The following MAGI2 variants were observed in gnomAD, a reference collection of about 807,000 sequenced individuals.
MAGI2 encodes membrane-associated guanylate kinase, WW and PDZ domain-containing protein 2.
MAGI2 carries 35 observed loss-of-function variants against 133.3 expected under a neutral mutation model. The observed-to-expected ratio is 0.26, with a 90% CI of 0.20 to 0.35. MAGI2 has a LOEUF of 0.35. MAGI2 is among the 10% of genes least tolerant of loss of function. The pLI, the probability that MAGI2 is intolerant of heterozygous loss-of-function variation, is 1.00. For synonymous variants in MAGI2, 729 were observed against 710.6 expected, an observed-to-expected ratio of 1.03 and a Z score of -0.41; for missense variants, 1,636 against 1,863.4, an observed-to-expected ratio of 0.88 and a Z score of 2.25.
At chr7:78,509,900 T>C (rs1330784949) in intron 4 of MAGI2, among the ~76,000 whole-genome samples, 4 of 152,220 alleles carry the variant, frequency 2.6e-5, no homozygotes, top group Non-Finnish European at 4.4e-5. Context: ...TTAAGGTAGA[T>C]AGAAAAATTT....
chr7:78,450,791 A>G (rs1321085757), intron 6 of MAGI2, among the ~76,000 whole-genome samples: 2 of 151,894 alleles, frequency 1.3e-5, no homozygotes, highest in Non-Finnish European at 2.9e-5. Context: ...GGTCATCCCA[A>G]CTCTTCATCT....
chr7:78,576,508 A>G (rs1802281489), intron 3 of MAGI2, among the ~76,000 whole-genome samples: 1 of 151,582 alleles, frequency 6.6e-6, no homozygotes, highest in African/African-American at 2.4e-5. Context: ...CATATAAACC[A>G]GAACTCCCCT....
intron 1 of MAGI2, among the ~76,000 whole-genome samples, chr7:79,312,877 C>T (rs1477513745): frequency 2.0e-5 from 3 of 152,114 alleles, no homozygotes; most frequent in South Asian, 2.1e-4. Flanking sequence ...GCAGTTGCAC[C>T]GTACAGGCAC....
At chr7:78,346,095 A>G (rs1232938557) in intron 7 of MAGI2, 52 bp from the exon 8 acceptor site, 22 of 1,605,506 alleles carry the variant, frequency 1.4e-5, no homozygotes, top group Non-Finnish European at 1.9e-5. Context: ...GTTATTTAAA[A>G]GACCATATGT....
At chr7:78,437,374 A>T (rs990954321) in intron 6 of MAGI2, among the ~76,000 whole-genome samples, 9 of 152,196 alleles carry the variant, frequency 5.9e-5, no homozygotes, top group Non-Finnish European at 1.2e-4. Context: ...TCATGCAAAA[A>T]GAATTTGTAC....
chr7:79,292,966 G>C (rs1836626071), intron 1 of MAGI2, among the ~76,000 whole-genome samples: 1 of 151,938 alleles, frequency 6.6e-6, no homozygotes, highest in African/African-American at 2.4e-5. Context: ...TAAACAATTA[G>C]ATTCATTTCC....
At chr7:78,680,581 C>T (rs1815538735) in intron 2 of MAGI2, among the ~76,000 whole-genome samples, 1 of 152,164 alleles carries the variant, frequency 6.6e-6, no homozygotes, top group Non-Finnish European at 1.5e-5. Flanking sequence ...CCACTTCCTG[C>T]TTCTAGACAG....
intron 2 of MAGI2, among the ~76,000 whole-genome samples, chr7:78,820,957 C>T (rs184121537): frequency 7.2e-4 from 110 of 152,000 alleles, no homozygotes; most frequent in Middle Eastern, 6.8e-3. Flanking sequence ...TACAACATGT[C>T]ATTTATTTCA....
At chr7:78,514,687 G>A (rs572376748) in intron 4 of MAGI2, among the ~76,000 whole-genome samples, 10 of 152,308 alleles carry the variant, frequency 6.6e-5, no homozygotes, top group African/African-American at 1.4e-4. Context: ...GGAAAACAGC[G>A]AGATTCACTA....
chr7:78,266,388 G>T (rs1250043484), intron 9 of MAGI2, among the ~76,000 whole-genome samples: 1 of 151,902 alleles, frequency 6.6e-6, no homozygotes, highest in African/African-American at 2.4e-5. Context: ...TTTTGGTAGA[G>T]ATGGGAGTTT....
intron 2 of MAGI2, among the ~76,000 whole-genome samples, chr7:78,754,174 C>G (rs147150179): frequency 0.041 from 6,282 of 151,828 alleles, 421 homozygotes; most frequent in African/African-American, 0.14. Context: ...CCCAGGAGTT[C>G]GGGACCAGCC....
chr7:78,101,135 A>T (rs1021525616), intron 20 of MAGI2, among the ~76,000 whole-genome samples: 2 of 152,222 alleles, frequency 1.3e-5, no homozygotes, highest in African/African-American at 4.8e-5. Context: ...TGCCCAAATG[A>T]TCAACAGATT....
chr7:79,418,213 A>G (rs1846679540), intron 1 of MAGI2, among the ~76,000 whole-genome samples: 1 of 152,116 alleles, frequency 6.6e-6, no homozygotes, highest in Non-Finnish European at 1.5e-5. Flanking sequence ...TAAAGTTTGT[A>G]AAGCCTTAGC....
chr7:79,357,683 T>C (rs534431510), intron 1 of MAGI2, among the ~76,000 whole-genome samples: 10 of 152,274 alleles, frequency 6.6e-5, no homozygotes, highest in African/African-American at 2.4e-4. Flanking sequence ...GTCATCTATT[T>C]TGACTTAAAA....
chr7:78,796,630 A>T (rs970157468), intron 2 of MAGI2, among the ~76,000 whole-genome samples: 6 of 152,132 alleles, frequency 3.9e-5, no homozygotes, highest in African/African-American at 1.4e-4. Context: ...ACTGCTGTGT[A>T]TATATATTCA....
chr7:78,871,807 A>C (rs948488894), intron 2 of MAGI2, among the ~76,000 whole-genome samples: 4 of 152,062 alleles, frequency 2.6e-5, no homozygotes, highest in Non-Finnish European at 4.4e-5. Flanking sequence ...GAGTTTCATA[A>C]TTATATACCT....
At chr7:79,310,944 A>C (rs1315927623) in intron 1 of MAGI2, among the ~76,000 whole-genome samples, 1 of 96,166 alleles carries the variant, frequency 1.0e-5, no homozygotes, top group Non-Finnish European at 2.7e-5. Flanking sequence ...AAACACACAC[A>C]CATGCACACA....
intron 6 of MAGI2, among the ~76,000 whole-genome samples, chr7:78,416,415 T>C (rs1448693469): frequency 6.6e-6 from 1 of 152,144 alleles, no homozygotes; most frequent in African/African-American, 2.4e-5. Context: ...TATTGAAACT[T>C]AATTTAATAA....
intron 2 of MAGI2, among the ~76,000 whole-genome samples, chr7:78,707,300 T>C (rs1818752489): frequency 6.6e-6 from 1 of 152,016 alleles, no homozygotes; most frequent in African/African-American, 2.4e-5. Flanking sequence ...ATCACTGAGG[T>C]TTTCTAAAAT....
Sources: gnomAD v4.1 joint callset for allele counts (sites outside exome capture counted in the v4.1 genomes callset) on GRCh38, gnomAD v4.1.1 for gene constraint, MANE v1.5 for transcripts, NCBI Gene and HGNC (gene_info 2026-07-23, HGNC 2026-07-21) for gene names.